The following PCNX2 variants were observed in gnomAD, a reference collection of about 807,000 sequenced individuals.
PCNX2 encodes the protein pecanex-like protein 2.
PCNX2 carries 168 observed loss-of-function variants against 223.8 expected under a neutral mutation model. That is an observed-to-expected ratio of 0.75 (90% CI 0.66 to 0.85). The LOEUF is 0.85. Ranked by LOEUF, PCNX2 falls within the 40% of genes least tolerant of loss-of-function variation. The pLI is 0.00. For synonymous variants in PCNX2, 1,006 were observed against 1,052.6 expected, an observed-to-expected ratio of 0.96 and a Z score of 0.86; for missense variants, 2,507 against 2,675.5, an observed-to-expected ratio of 0.94 and a Z score of 1.39.
At chr1:233,211,044 T>A (rs1210044682) in intron 12 of PCNX2, among the ~76,000 whole-genome samples, 1 of 152,194 alleles carries the variant, frequency 6.6e-6, no homozygotes, top group Non-Finnish European at 1.5e-5. Context: ...ATCCTAATTA[T>A]CCTCTTAGAG....
At position 233,066,940 on chromosome 1, in the gene PCNX2, C is replaced by T. The variant is rs954040318; in HGVS notation, c.4077-9650G>A. 2.6e-5 allele frequency among the ~76,000 whole-genome samples: 4 copies of T among 152,022 alleles called. No homozygotes were observed. In the East Asian group the frequency reaches 7.7e-4, roughly 29 times the overall value. Reference sequence around the variant, plus strand: ...CCATTCAGGAAAGTATCAATAAAGGCTTAGTGGGGAATCTGAACTCCCACC... The same window carrying T: ...CCATTCAGGAAAGTATCAATAAAGGTTTAGTGGGGAATCTGAACTCCCACC... On this transcript the variant is annotated intron_variant, in intron 23 of 33. Transcript: ENST00000258229.
At chr1:233,277,552 A>AAT (rs1660979384) in intron 1 of PCNX2, among the ~76,000 whole-genome samples, 1 of 148,600 alleles carries the variant, frequency 6.7e-6, no homozygotes, top group Non-Finnish European at 1.5e-5. Flanking sequence ...AACATCGGTA[A>AAT]AGTAGTATTT....
At chr1:233,047,502 T>A in intron 25 of PCNX2, 1 of 661,410 alleles carries the variant, frequency 1.5e-6, no homozygotes, top group Non-Finnish European at 1.9e-6. Context: ...GATTTTACCT[T>A]AAATTCCAGA....
chr1:233,182,390 C>A (rs984458795), intron 15 of PCNX2, among the ~76,000 whole-genome samples: 2 of 152,154 alleles, frequency 1.3e-5, no homozygotes, highest in African/African-American at 2.4e-5. Flanking sequence ...TGTCCCAGGA[C>A]TACTGTTAAT....
chr1:233,012,186 T>C (rs1452270067), intron 28 of PCNX2, among the ~76,000 whole-genome samples: 8 of 152,180 alleles, frequency 5.3e-5, no homozygotes, highest in Admixed American at 5.2e-4. Flanking sequence ...CTAAACAGTA[T>C]CTATAAAAAT....
At chr1:233,036,463 C>G (rs558674045) in intron 25 of PCNX2, among the ~76,000 whole-genome samples, 1 of 152,076 alleles carries the variant, frequency 6.6e-6, no homozygotes, top group Non-Finnish European at 1.5e-5. Context: ...AACCCCATCT[C>G]TACTAAAAAT....
In PCNX2 at chr1:233,258,342, C is replaced by T. The variant is rs1259456780; in HGVS notation, c.1520G>A (p.Gly507Glu). 1.7e-5 allele frequency: 28 copies of T among 1,613,984 alleles called. No homozygotes were observed. The highest frequency in any genetic ancestry group is 5.3e-5 in the African/African-American group (4 of 75,034). Reference protein sequence around the residue: ...TPDTGSESKVGKEGQTNLDPS... With the variant: ...TPDTGSESKVEKEGQTNLDPS... ...GTCAAGGTTAGTCTGGCCTTCCTTC[C>T]CCACCTTAGACTCGGAGCCTGTATC... Residue 507 changes from glycine to glutamate, a missense_variant, in exon 5 of 34, where the codon GGG becomes GAG. Physicochemically the swap from Gly to Glu is moderately conservative, Grantham distance 98. Transcript: ENST00000258229.
At chr1:233,004,576 G>A (rs1242589070) in intron 28 of PCNX2, among the ~76,000 whole-genome samples, 5 of 152,138 alleles carry the variant, frequency 3.3e-5, no homozygotes, top group East Asian at 3.9e-4. Flanking sequence ...AAGAAACAGC[G>A]TCCCTGACAG....
chr1:233,054,443 G>A lies in PCNX2; in HGVS notation c.4176C>T (p.His1392=). The A allele has an allele frequency of 3.1e-6, 5 of 1,613,802 alleles. No homozygotes were observed. Among genetic ancestry groups the A allele is most frequent in the Non-Finnish European group, 4.2e-6 (5 of 1,179,766 alleles). Residue 1392 remains histidine, a synonymous_variant, in exon 25 of 34, where the codon CAC becomes CAT. Coordinates refer to ENST00000258229, the MANE Select transcript of PCNX2 (RefSeq NM_014801.4). ...DNNLNSIFYE[H]LTRTLQESLC... ...GGGACTCCTGGAGGGTCCTTGTCAA[G>A]TGTTCATAAAAAATGGAATTGAGAT...
chr1:233,185,101 ACACACACACACACACAC>A (rs1397112204), intron 15 of PCNX2, among the ~76,000 whole-genome samples: 1 of 146,056 alleles, frequency 6.8e-6, no homozygotes. Context: ...ACACACACAC[ACACACACACACACACAC>A]ACACACACAC....
intron 25 of PCNX2, among the ~76,000 whole-genome samples, chr1:233,036,098 T>G (rs1671444447): frequency 6.6e-6 from 1 of 152,178 alleles, no homozygotes; most frequent in South Asian, 2.1e-4. Flanking sequence ...AAGGTCACAG[T>G]GGGATTCTCA....
At position 232,999,275 on chromosome 1, in the gene PCNX2, C is replaced by A; in HGVS notation, c.5433G>T (p.Gln1811His). 1 of 1,612,852 alleles carries A rather than the reference C, an allele frequency of 6.2e-7. No individual in the cohort carries two copies. Among genetic ancestry groups the A allele is most frequent in the Non-Finnish European group, 8.5e-7 (1 of 1,179,448 alleles). The change falls in exon 31 of 34, where the codon CAG becomes CAT. Residue 1811 changes from glutamine (Q) to histidine (H), a missense_variant. Physicochemically the swap from Gln to His is conservative, Grantham distance 24 (BLOSUM62 0). Coordinates refer to ENST00000258229, the MANE Select transcript of PCNX2 (RefSeq NM_014801.4). ...PERGSIQNNK[Q>H]VLRNLINSSC... ...AGGAGTTAATCAAGTTCCGCAGGACCTGCTTATTGTTCTGGATACTGCCGC... is the reference window on the plus strand; with the variant it reads ...AGGAGTTAATCAAGTTCCGCAGGACATGCTTATTGTTCTGGATACTGCCGC...
At chr1:233,187,841 T>A (rs1433944463) in intron 15 of PCNX2, among the ~76,000 whole-genome samples, 1 of 152,164 alleles carries the variant, frequency 6.6e-6, no homozygotes, top group East Asian at 1.9e-4. Flanking sequence ...AAAGACTTAT[T>A]ATTCCTGGTC....
At chr1:233,198,027 T>A (rs927353813) in intron 15 of PCNX2, among the ~76,000 whole-genome samples, 1 of 152,170 alleles carries the variant, frequency 6.6e-6, no homozygotes, top group Non-Finnish European at 1.5e-5. Context: ...TGTATACTGT[T>A]ATATTTAGAC....
chr1:233,273,663 G>A (rs545523278), intron 1 of PCNX2, among the ~76,000 whole-genome samples: 6 of 148,188 alleles, frequency 4.0e-5, no homozygotes, highest in East Asian at 2.0e-4. Flanking sequence ...TTACTCTGTC[G>A]CCAGGGCCGA....
intron 1 of PCNX2, among the ~76,000 whole-genome samples, chr1:233,272,172 C>G (rs973050972): frequency 1.3e-5 from 2 of 151,662 alleles, no homozygotes; most frequent in Non-Finnish European, 2.9e-5. Context: ...AGTTTTTGAA[C>G]AGCAAAAGAA....
intron 17 of PCNX2, among the ~76,000 whole-genome samples, chr1:233,163,380 G>A (rs749372819): frequency 4.0e-5 from 6 of 151,772 alleles, no homozygotes; most frequent in Non-Finnish European, 5.9e-5. Flanking sequence ...CCAGCTACTC[G>A]GGAGGCTGAG....
intron 17 of PCNX2, among the ~76,000 whole-genome samples, chr1:233,168,205 A>G (rs1455634774): frequency 6.6e-6 from 1 of 152,134 alleles, no homozygotes; most frequent in Non-Finnish European, 1.5e-5. Flanking sequence ...CCCATTATAG[A>G]ATAACACAAT....
intron 22 of PCNX2, among the ~76,000 whole-genome samples, chr1:233,092,409 G>A (rs752558549): frequency 6.6e-6 from 1 of 152,168 alleles, no homozygotes; most frequent in Non-Finnish European, 1.5e-5. Context: ...TTTCCCCAGA[G>A]ATTACACTGT....
Sources: gnomAD v4.1 joint callset for allele counts (sites outside exome capture counted in the v4.1 genomes callset) on GRCh38, gnomAD v4.1.1 for gene constraint, MANE v1.5 for transcripts, NCBI Gene and HGNC (gene_info 2026-07-23, HGNC 2026-07-21) for gene names.